GNG7: variants seen among roughly 807,000 people sequenced by gnomAD.
The protein encoded by GNG7 is G protein subunit gamma 7.
A neutral mutation model predicts 4.0 loss-of-function variants in GNG7; 1 was observed. That is an observed-to-expected ratio of 0.25 (90% CI 0.09 to 1.18). The LOEUF (loss-of-function observed/expected upper bound fraction) is 1.18. Ranked by LOEUF, GNG7 falls within the 50% of genes most tolerant of loss-of-function variation. The pLI is 0.50. For synonymous variants in GNG7, 34 were observed against 36.9 expected, an observed-to-expected ratio of 0.92 and a Z score of 0.29; for missense variants, 86 against 91.9, an observed-to-expected ratio of 0.94 and a Z score of 0.26.
At chr19:2,699,956 G>C (rs916582171) in intron 1 of GNG7, among the ~76,000 whole-genome samples, 1 of 152,178 alleles carries the variant, frequency 6.6e-6, no homozygotes, top group African/African-American at 2.4e-5. Context: ...AGGTGCATCT[G>C]TTACTTAACG....
intron 2 of GNG7, among the ~76,000 whole-genome samples, chr19:2,562,956 G>GT (rs1184344902): frequency 6.6e-6 from 1 of 150,596 alleles, no homozygotes; most frequent in Non-Finnish European, 1.5e-5. Context: ...CTTTTTTTTT[G>GT]TTTTTTGAGA....
rs1354730943 is a variant in GNG7 at position 2,569,398 on chromosome 19, C to T, written c.-77-14210G>A. 7.9e-5 allele frequency among the ~76,000 whole-genome samples: 12 copies of T among 152,268 alleles called. No homozygotes were observed. The South Asian group carries it at 1.9e-3, about 24-fold the overall frequency. Reference sequence around the variant, plus strand: ...TGACACCATTCTCCTGCCTCAGCCTCCCGAGTAGCTGGGACTACAGGCGCC... The same window carrying T: ...TGACACCATTCTCCTGCCTCAGCCTTCCGAGTAGCTGGGACTACAGGCGCC... On this transcript the variant is annotated intron_variant, in intron 2 of 4. Transcript: ENST00000382159.
intron 2 of GNG7, among the ~76,000 whole-genome samples, chr19:2,621,282 G>C (rs891261741): frequency 6.6e-6 from 1 of 152,160 alleles, no homozygotes. Flanking sequence ...CCAGCTACTC[G>C]GGAAGCTGAG....
intron 4 of GNG7, among the ~76,000 whole-genome samples, chr19:2,518,620 T>C (rs904825027): frequency 6.6e-6 from 1 of 152,012 alleles, no homozygotes; most frequent in African/African-American, 2.4e-5. Context: ...GCCTCCCCGC[T>C]GGGAGCAAAG....
intron 2 of GNG7, among the ~76,000 whole-genome samples, chr19:2,621,906 A>G (rs1253794662): frequency 1.3e-5 from 2 of 152,056 alleles, no homozygotes; most frequent in East Asian, 3.9e-4. Context: ...TCTGCCCTCC[A>G]GAACCGTGAG....
At chr19:2,682,785 G>A (rs1983774096) in intron 1 of GNG7, among the ~76,000 whole-genome samples, 1 of 151,746 alleles carries the variant, frequency 6.6e-6, no homozygotes, top group Non-Finnish European at 1.5e-5. Flanking sequence ...TCTGAAGACA[G>A]AGCCTCAGAA....
intron 2 of GNG7, among the ~76,000 whole-genome samples, chr19:2,568,664 TACAC>T (rs1227243933): frequency 3.5e-5 from 5 of 142,564 alleles, no homozygotes; most frequent in Non-Finnish European, 7.7e-5. Flanking sequence ...CATATACACA[TACAC>T]ATACACATAT....
chr19:2,575,690 C>CACAGACAT (rs1980298175), intron 2 of GNG7, among the ~76,000 whole-genome samples: 5 of 130,880 alleles, frequency 3.8e-5, no homozygotes, highest in Non-Finnish European at 7.9e-5. Flanking sequence ...CGCAGGCACA[C>CACAGACAT]GCAGACACAC....
rs71179906 is a variant in GNG7 at position 2,661,302 on chromosome 19, G to GAGAAAGAAAGAAAGAAAGAA, written c.-134-15042_-134-15023dup. Among the ~76,000 whole-genome samples, 69 of 73,092 alleles carry GAGAAAGAAAGAAAGAAAGAA rather than the reference G, an allele frequency of 9.4e-4. 2 individuals are homozygous for GAGAAAGAAAGAAAGAAAGAA. The highest frequency in any genetic ancestry group is 2.6e-3 in the South Asian group (5 of 1,926). The allele number at this position is 73,092 out of a possible 152,430, so 48.0% of individuals were successfully genotyped here. ...AGAAAGAAAGAAAGAAAGAAAGAAAGAGAAAGAAAGAAAGAAAGAAAGAAA... is the reference window on the plus strand; with the variant it reads ...AGAAAGAAAGAAAGAAAGAAAGAAAGAGAAAGAAAGAAAGAAAGAAAGAAAGAAAGAAAGAAAGAAAGAAA... On this transcript the variant is annotated intron_variant, in intron 1 of 4. Transcript: ENST00000382159.
At chr19:2,661,280 A>AAG (rs1983148429) in intron 1 of GNG7, among the ~76,000 whole-genome samples, 3 of 58,912 alleles carry the variant, frequency 5.1e-5, no homozygotes, top group Non-Finnish European at 9.5e-5. Flanking sequence ...AAAAGAAAGA[A>AAG]AGAAAGAAAG....
At position 2,530,427 on chromosome 19, in the gene GNG7, A is replaced by G. The variant is rs116364191; in HGVS notation, c.-37-9702T>C. On this transcript the variant is annotated intron_variant, in intron 3 of 4. Coordinates refer to ENST00000382159, the MANE Select transcript of GNG7 (RefSeq NM_052847.3). Reference sequence around the variant, plus strand: ...GACCCTGTCTCAAAAAAAAGAAAAAAAAGCTGGACAGGGCTGGGTGCGGTG... The same window carrying G: ...GACCCTGTCTCAAAAAAAAGAAAAAGAAGCTGGACAGGGCTGGGTGCGGTG... Among the ~76,000 whole-genome samples, 1,351 of 147,124 alleles carry G rather than the reference A, an allele frequency of 9.2e-3. 22 individuals are homozygous for G. Among genetic ancestry groups the G allele is most frequent in the African/African-American group, 0.033 (1,294 of 39,634 alleles).
intron 2 of GNG7, among the ~76,000 whole-genome samples, chr19:2,569,897 C>T (rs1054321526): frequency 4.6e-5 from 7 of 152,158 alleles, no homozygotes; most frequent in Non-Finnish European, 7.3e-5. Flanking sequence ...AGAACAACTG[C>T]GACAAAAATA....
intron 1 of GNG7, among the ~76,000 whole-genome samples, chr19:2,685,720 G>A (rs368199725): frequency 6.6e-5 from 10 of 152,248 alleles, no homozygotes; most frequent in East Asian, 5.8e-4. Context: ...ACGAGGCCCC[G>A]TCCACTGTGT....
intron 2 of GNG7, among the ~76,000 whole-genome samples, chr19:2,583,759 T>G (rs990794526): frequency 6.6e-6 from 1 of 152,198 alleles, no homozygotes; most frequent in Admixed American, 6.5e-5. Context: ...ATGGTGGCAC[T>G]GCACTCCTAT....
intron 1 of GNG7, among the ~76,000 whole-genome samples, chr19:2,656,542 G>C (rs1982980836): frequency 1.3e-5 from 2 of 152,162 alleles, no homozygotes; most frequent in African/African-American, 4.8e-5. Flanking sequence ...GGGGGTTGCA[G>C]TGCGCCAAGA....
At position 2,546,666 on chromosome 19, in the gene GNG7, A is replaced by G. The variant is rs1979136918; in HGVS notation, c.-38+8483T>C. On this transcript the variant is annotated intron_variant, in intron 3 of 4. Coordinates refer to ENST00000382159, the MANE Select transcript of GNG7 (RefSeq NM_052847.3). This position sits in a 1 kb window ranked among gnomAD's most constrained non-coding sequence, Gnocchi z 6.3. ...TGCCTTCAGCCGGAGCTTGGAGCCT[A>G]AGAATGAGCCGGCTTGTTCAGACAA... 6.6e-6 allele frequency among the ~76,000 whole-genome samples: 1 copy of G among 152,188 alleles called. No individual in the cohort carries two copies. The highest frequency in any genetic ancestry group is 1.5e-5 in the Non-Finnish European group (1 of 68,016).
intron 1 of GNG7, among the ~76,000 whole-genome samples, chr19:2,657,358 AAAAATATATATATATATATATATAT>A (rs1450531126): frequency 7.1e-4 from 15 of 21,060 alleles, no homozygotes; most frequent in African/African-American, 2.0e-3. Context: ...AAAAAAAAAA[AAAAATATATATATATATATATATAT>A]ATATATATAT....
intron 1 of GNG7, among the ~76,000 whole-genome samples, chr19:2,652,564 A>G (rs1982858622): frequency 2.0e-5 from 3 of 152,138 alleles, no homozygotes; most frequent in Admixed American, 2.0e-4. Context: ...GGTTGCAGTG[A>G]GCTGGGATCG....
chr19:2,622,190 C>G (rs1981892324), intron 2 of GNG7, among the ~76,000 whole-genome samples: 1 of 152,094 alleles, frequency 6.6e-6, no homozygotes, highest in Non-Finnish European at 1.5e-5. Flanking sequence ...CGCCATTCTC[C>G]TGCCTCAGCC....
Sources: allele counts gnomAD v4.1 joint callset (sites outside exome capture counted in the v4.1 genomes callset), GRCh38; gene constraint gnomAD v4.1.1; non-coding constraint Gnocchi (gnomAD v3.1); transcripts MANE v1.5; gene names NCBI Gene and HGNC (gene_info 2026-07-23, HGNC 2026-07-21).